PDE4D: variants seen among roughly 807,000 people sequenced by gnomAD.
The protein encoded by PDE4D is 3',5'-cyclic-AMP phosphodiesterase 4D.
PDE4D carries 24 observed loss-of-function variants against 87.4 expected under a neutral mutation model. That is an observed-to-expected ratio of 0.27 (90% CI 0.20 to 0.39). The LOEUF (loss-of-function observed/expected upper bound fraction) is 0.39. Among genes scored for constraint, PDE4D ranks in the 10% least tolerant of loss-of-function variants. The pLI is 1.00. For missense variants in PDE4D, 714 were observed against 1,041.0 expected, an observed-to-expected ratio of 0.69 and a Z score of 4.32; for synonymous variants, 384 against 383.2, an observed-to-expected ratio of 1.00 and a Z score of -0.02.
chr5:60,500,237 G>T (rs1057106894), intron 1 of PDE4D, among the ~76,000 whole-genome samples: 1 of 152,064 alleles, frequency 6.6e-6, no homozygotes, highest in African/African-American at 2.4e-5. Flanking sequence ...CCAAAAGGTC[G>T]AGGCTGCAGT....
At chr5:59,393,735 A>G (rs1788707386) in intron 1 of PDE4D, among the ~76,000 whole-genome samples, 1 of 152,214 alleles carries the variant, frequency 6.6e-6, no homozygotes, top group South Asian at 2.1e-4. Flanking sequence ...AGGACTTGTT[A>G]TTTTTGGTTC....
chr5:59,309,673 T>C (rs568437151), intron 1 of PDE4D, among the ~76,000 whole-genome samples: 1 of 152,284 alleles, frequency 6.6e-6, no homozygotes, highest in African/African-American at 2.4e-5. Flanking sequence ...CCTCTCAAGG[T>C]TGCTGGTTTG....
At chr5:59,020,988 C>T (rs962940474) in intron 6 of PDE4D, among the ~76,000 whole-genome samples, 2 of 152,100 alleles carry the variant, frequency 1.3e-5, no homozygotes, top group Admixed American at 6.6e-5. Context: ...GTTTTCATTT[C>T]TAGTTTCCCC....
At chr5:59,122,729 G>A (rs1307097023) in intron 5 of PDE4D, among the ~76,000 whole-genome samples, 1 of 152,076 alleles carries the variant, frequency 6.6e-6, no homozygotes, top group Non-Finnish European at 1.5e-5. Flanking sequence ...GTAAAGTCAA[G>A]AATTCAGTGG....
intron 1 of PDE4D, among the ~76,000 whole-genome samples, chr5:60,487,202 T>C (rs1444259057): frequency 6.6e-6 from 1 of 152,236 alleles, no homozygotes; most frequent in African/African-American, 2.4e-5. Flanking sequence ...CATACAAACC[T>C]AATAACGGCT....
intron 1 of PDE4D, among the ~76,000 whole-genome samples, chr5:59,381,470 A>G (rs1468094386): frequency 6.7e-6 from 1 of 150,090 alleles, no homozygotes; most frequent in Non-Finnish European, 1.5e-5. Flanking sequence ...ATTTGCAATT[A>G]TTTTGAGAAA....
At chr5:59,900,833 A>G (rs915557520) in intron 3 of PDE4D, among the ~76,000 whole-genome samples, 2 of 152,190 alleles carry the variant, frequency 1.3e-5, no homozygotes, top group African/African-American at 4.8e-5. Flanking sequence ...TCACTTTGAA[A>G]TTAGGCCCAA....
intron 2 of PDE4D, among the ~76,000 whole-genome samples, chr5:60,105,101 T>C (rs1035774886): frequency 6.6e-6 from 1 of 152,112 alleles, no homozygotes; most frequent in Non-Finnish European, 1.5e-5. Flanking sequence ...GGCAAAGAAG[T>C]TGAAAACTTT....
At chr5:59,959,521 C>A (rs1169991005) in intron 3 of PDE4D, among the ~76,000 whole-genome samples, 3 of 152,026 alleles carry the variant, frequency 2.0e-5, no homozygotes, top group Non-Finnish European at 4.4e-5. Flanking sequence ...ACACATAGAC[C>A]AATGAAACAG....
At chr5:59,768,787 G>C (rs1763138795) in intron 1 of PDE4D, 6 of 623,818 alleles carry the variant, frequency 9.6e-6, no homozygotes, top group Non-Finnish European at 1.3e-5. Flanking sequence ...AAAGCACCGC[G>C]CTCGCACGGC....
At position 60,451,435 on chromosome 5, in the gene PDE4D, C is replaced by G. The variant is rs1452335619; in HGVS notation, c.-90+36507G>C. 2.0e-5 allele frequency among the ~76,000 whole-genome samples: 3 copies of G among 151,958 alleles called. No individual in the cohort carries two copies. The East Asian group carries it at 5.8e-4, about 29-fold the overall frequency. ...GGCCTCTTTGCTACTTCTATAATAA[C>G]ACAAGTTTACTCCAAGTGAGTTCAC... On this transcript the variant is annotated intron_variant, in intron 1 of 16. Transcript: ENST00000502484.
At chr5:60,498,165 T>TGCACAC (rs1749906769) in intron 1 of PDE4D, among the ~76,000 whole-genome samples, 1 of 126,392 alleles carries the variant, frequency 7.9e-6, no homozygotes, top group South Asian at 3.1e-4. Flanking sequence ...GACACACACA[T>TGCACAC]GCACACACAC....
intron 1 of PDE4D, among the ~76,000 whole-genome samples, chr5:59,345,943 T>A (rs1388745409): frequency 6.6e-6 from 1 of 152,160 alleles, no homozygotes; most frequent in Non-Finnish European, 1.5e-5. Context: ...TGGCTCTAAT[T>A]CATAATGGCC....
At chr5:59,214,461 C>T (rs538320846) in intron 2 of PDE4D, among the ~76,000 whole-genome samples, 24 of 152,160 alleles carry the variant, frequency 1.6e-4, no homozygotes, top group Middle Eastern at 3.4e-3. Flanking sequence ...TGTATCTTTC[C>T]CTTGGGTGGA....
intron 11 of PDE4D, among the ~76,000 whole-genome samples, chr5:58,984,817 G>GA (rs1462669280): frequency 2.6e-5 from 4 of 152,088 alleles, no homozygotes; most frequent in African/African-American, 9.7e-5. Context: ...CTGTACTTTT[G>GA]ATACTTTTTT....
At chr5:59,923,401 A>T (rs1043263516) in intron 3 of PDE4D, among the ~76,000 whole-genome samples, 4 of 152,160 alleles carry the variant, frequency 2.6e-5, no homozygotes, top group Non-Finnish European at 5.9e-5. Flanking sequence ...AGGCCTTGAG[A>T]GAGATCCAAT....
chr5:59,101,920 T>TC (rs1361289505), intron 5 of PDE4D, among the ~76,000 whole-genome samples: 2 of 152,018 alleles, frequency 1.3e-5, no homozygotes, highest in Non-Finnish European at 2.9e-5. Context: ...GGCTTAAAAT[T>TC]CACCTTATGT....
intron 1 of PDE4D, among the ~76,000 whole-genome samples, chr5:59,313,785 A>C (rs187644): frequency 0.064 from 9,736 of 152,164 alleles, 427 homozygotes; most frequent in Middle Eastern, 0.13. Flanking sequence ...TCCTTATTAA[A>C]ACCTAAAGTG....
chr5:60,073,778 T>C (rs1005047937), intron 2 of PDE4D, among the ~76,000 whole-genome samples: 2 of 152,126 alleles, frequency 1.3e-5, no homozygotes, highest in African/African-American at 2.4e-5. Context: ...CAGGGATTTA[T>C]CAATTTTTCT....
Sources: gnomAD v4.1 joint callset for allele counts (sites outside exome capture counted in the v4.1 genomes callset) on GRCh38, gnomAD v4.1.1 for gene constraint, MANE v1.5 for transcripts, NCBI Gene and HGNC (gene_info 2026-07-23, HGNC 2026-07-21) for gene names.